Variants in PANK1 observed in about 807,000 individuals in gnomAD.
The protein encoded by PANK1 is pantothenate kinase 1.
PANK1 carries 18 observed loss-of-function variants against 40.1 expected under a neutral mutation model. The observed-to-expected ratio is 0.45, with a 90% CI of 0.31 to 0.67. PANK1 has a LOEUF of 0.67. Among genes scored for constraint, PANK1 ranks in the 30% least tolerant of loss-of-function variants. The pLI is 0.06. For synonymous variants in PANK1, 242 were observed against 237.7 expected, an observed-to-expected ratio of 1.02 and a Z score of -0.17; for missense variants, 457 against 599.6, an observed-to-expected ratio of 0.76 and a Z score of 2.48.
intron 1 of PANK1, among the ~76,000 whole-genome samples, chr10:89,620,841 G>C (rs115796269): frequency 6.6e-6 from 1 of 152,162 alleles, no homozygotes; most frequent in Admixed American, 6.5e-5. Context: ...TTGTCTCTTT[G>C]TACTCTTTCT....
Position 89,584,222 on chromosome 10 carries a change from T to G in PANK1, c.*184A>C. On this transcript the variant is annotated 3_prime_UTR_variant, in exon 7 of 7. Transcript: ENST00000307534. ...AAAAACCTTTTATATTCCCCCGTTT[T>G]GAATCATTAGCTCAAAACCTAAGAG... 1.8e-6 allele frequency: 1 copy of G among 550,500 alleles called. No homozygotes were observed. The highest frequency in any genetic ancestry group is 2.9e-5 in the Admixed American group (1 of 34,052). The allele number at this position is 550,500 out of a possible 1,614,324, so 34.1% of individuals were successfully genotyped here.
chr10:89,592,378 G>C (rs896252480), intron 5 of PANK1, among the ~76,000 whole-genome samples: 3 of 152,122 alleles, frequency 2.0e-5, no homozygotes, highest in Non-Finnish European at 2.9e-5. Flanking sequence ...TCTATTTCTT[G>C]ATCTGGGTGA....
At chr10:89,588,810 A>G in intron 5 of PANK1, 33 bp from the exon 6 acceptor site, 1 of 1,529,286 alleles carries the variant, frequency 6.5e-7, no homozygotes, top group African/African-American at 1.4e-5. Context: ...CAATTGAATC[A>G]TGGCATAAAA....
intron 1 of PANK1, chr10:89,643,948 A>C: frequency 8.7e-7 from 1 of 1,153,356 alleles, no homozygotes; most frequent in Non-Finnish European, 1.1e-6. Context: ...CCTTCGTTGA[A>C]AAAAAAAATC....
intron 5 of PANK1, among the ~76,000 whole-genome samples, chr10:89,589,409 A>T (rs1844302178): frequency 6.6e-6 from 1 of 152,116 alleles, no homozygotes; most frequent in East Asian, 1.9e-4. Context: ...TTCCTCTCCT[A>T]TCCGGTTCAT....
Position 89,583,644 on chromosome 10 carries a change from C to T in PANK1, c.*762G>A, listed in dbSNP as rs368226475. On this transcript the variant is annotated 3_prime_UTR_variant, in exon 7 of 7. Coordinates refer to ENST00000307534, the MANE Select transcript of PANK1 (RefSeq NM_148977.3). The stretch of plus-strand genomic sequence containing the variant: ...CTACATTTATAAGCGATAGGACAAA[C>T]TTGCATATAATTTGCAACTTTTGCC... 26 of 152,274 alleles carry T rather than the reference C, an allele frequency of 1.7e-4. No homozygotes were observed. In the South Asian group the frequency reaches 2.3e-3, roughly 13 times the overall value. The allele number at this position is 152,274 out of a possible 1,614,324, so 9.4% of individuals were successfully genotyped here. A position where few individuals can be genotyped will look rare whatever the true frequency, so the allele number is the denominator to read the frequency against.
At chr10:89,597,658 G>A (rs1395293537) in intron 3 of PANK1, among the ~76,000 whole-genome samples, 1 of 152,198 alleles carries the variant, frequency 6.6e-6, no homozygotes, top group Admixed American at 6.5e-5. Flanking sequence ...TCATTAAATT[G>A]TTAAGTGTTA....
chr10:89,594,588 G>A (rs1844509045), intron 3 of PANK1, among the ~76,000 whole-genome samples: 3 of 152,114 alleles, frequency 2.0e-5, no homozygotes, highest in Admixed American at 1.3e-4. Flanking sequence ...TTCTAGAAAG[G>A]AACCACTGAT....
At position 89,583,682 on chromosome 10, in the gene PANK1, T is replaced by A. The variant is rs1044204781; in HGVS notation, c.*724A>T. 2 of 152,208 alleles carry A rather than the reference T, an allele frequency of 1.3e-5. No homozygotes were observed. The highest frequency in any genetic ancestry group is 4.8e-5 in the African/African-American group (2 of 41,452). 9.4% of individuals were successfully genotyped at this position (152,208 alleles called of 1,614,324 possible). A position where few individuals can be genotyped will look rare whatever the true frequency, so the allele number is the denominator to read the frequency against. Reference sequence around the variant, plus strand: ...TGCAACTTTTGCCAGACTCATTAAATTCATTAACACATTCAGTCTTCTCTT... The same window carrying A: ...TGCAACTTTTGCCAGACTCATTAAAATCATTAACACATTCAGTCTTCTCTT... On this transcript the variant is annotated 3_prime_UTR_variant, in exon 7 of 7. Transcript: ENST00000307534.
intron 4 of PANK1, 32 bp downstream of exon 4, chr10:89,593,781 A>G (rs373840772): frequency 1.9e-6 from 3 of 1,557,704 alleles, no homozygotes; most frequent in African/African-American, 2.7e-5. Flanking sequence ...CTTGTGTTTA[A>G]TCACTACTGC....
chr10:89,637,180 A>G (rs1221549970), intron 1 of PANK1, among the ~76,000 whole-genome samples: 1 of 151,984 alleles, frequency 6.6e-6, no homozygotes, highest in African/African-American at 2.4e-5. Context: ...GTTGAGCCAC[A>G]GGTGGGGTGA....
intron 6 of PANK1, among the ~76,000 whole-genome samples, chr10:89,585,786 G>A (rs1426668555): frequency 6.6e-6 from 1 of 152,200 alleles, no homozygotes; most frequent in Non-Finnish European, 1.5e-5. Context: ...GGACTCCTAA[G>A]GCCAGGGCAG....
chr10:89,617,941 T>C (rs1232401310), intron 1 of PANK1, among the ~76,000 whole-genome samples: 1 of 152,232 alleles, frequency 6.6e-6, no homozygotes. Flanking sequence ...AAAAAACCTC[T>C]GGAGCCCTCA....
At chr10:89,596,474 A>G (rs1844610165) in intron 3 of PANK1, among the ~76,000 whole-genome samples, 1 of 152,238 alleles carries the variant, frequency 6.6e-6, no homozygotes, top group African/African-American at 2.4e-5. Context: ...CAAATGAGGT[A>G]AAGCGAGCAT....
intron 1 of PANK1, among the ~76,000 whole-genome samples, chr10:89,618,207 A>C (rs759675133): frequency 2.0e-5 from 3 of 152,208 alleles, no homozygotes; most frequent in Non-Finnish European, 4.4e-5. Context: ...AGCATTTTAG[A>C]ATGACTGAGC....
At chr10:89,643,538 C>G (rs1372835637) in intron 1 of PANK1, among the ~76,000 whole-genome samples, 1 of 152,126 alleles carries the variant, frequency 6.6e-6, no homozygotes, top group Non-Finnish European at 1.5e-5. Context: ...TACAGAAAAG[C>G]TAAGAGTCAA....
Position 89,599,096 on chromosome 10 carries a change from A to G in PANK1, c.899+156T>C, listed in dbSNP as rs75948433. ...ATTAACATTTATATAAATCACCCACATACCACTTTAACACACCATTTGATA... is the reference window on the plus strand; with the variant it reads ...ATTAACATTTATATAAATCACCCACGTACCACTTTAACACACCATTTGATA... On this transcript the variant is annotated intron_variant, in intron 3 of 6. Coordinates refer to ENST00000307534, the MANE Select transcript of PANK1 (RefSeq NM_148977.3). 1,205 of 653,844 alleles carry G rather than the reference A, an allele frequency of 1.8e-3. 7 individuals are homozygous for G. In the African/African-American group the frequency reaches 0.019, roughly 10 times the overall value. 40.5% of individuals were successfully genotyped at this position (653,844 alleles called of 1,614,324 possible).
chr10:89,643,761 C>A (rs771976361), intron 1 of PANK1: 2 of 1,612,514 alleles, frequency 1.2e-6, no homozygotes, highest in East Asian at 2.2e-5. Context: ...GTTGAATGAG[C>A]TTCAGTCAAG....
intron 1 of PANK1, among the ~76,000 whole-genome samples, chr10:89,619,569 T>G (rs1845419939): frequency 1.3e-5 from 2 of 152,118 alleles, no homozygotes; most frequent in African/African-American, 2.4e-5. Flanking sequence ...TCCTGGCGAG[T>G]GTTCCTGGTG....
Sources: gnomAD v4.1 joint callset for allele counts (sites outside exome capture counted in the v4.1 genomes callset) on GRCh38, gnomAD v4.1.1 for gene constraint, MANE v1.5 for transcripts, NCBI Gene and HGNC (gene_info 2026-07-23, HGNC 2026-07-21) for gene names.